ATP8B4: variants seen among roughly 807,000 people sequenced by gnomAD.
ATP8B4 encodes ATPase phospholipid transporting 8B4 (putative), also known as probable phospholipid-transporting ATPase IM.
Under a neutral mutation model 145.6 loss-of-function variants are expected in ATP8B4, and 133 were observed. That is an observed-to-expected ratio of 0.91 (90% CI 0.79 to 1.05). The LOEUF (loss-of-function observed/expected upper bound fraction) is 1.05. Ranked by LOEUF, ATP8B4 falls within the 50% of genes least tolerant of loss-of-function variation. ATP8B4 has a pLI of 0.00. For missense variants in ATP8B4, 1,458 were observed against 1,425.2 expected, an observed-to-expected ratio of 1.02 and a Z score of -0.37; for synonymous variants, 507 against 492.9, an observed-to-expected ratio of 1.03 and a Z score of -0.38.
chr15:49,943,415 C>A (rs1346129332), intron 14 of ATP8B4, among the ~76,000 whole-genome samples: 7 of 151,132 alleles, frequency 4.6e-5, no homozygotes, highest in South Asian at 4.2e-4. Flanking sequence ...AAAAAAAAAA[C>A]CACACTAAAA....
chr15:49,923,327 A>G (rs987868832), intron 17 of ATP8B4, 52 bp downstream of exon 17: 2 of 1,282,482 alleles, frequency 1.6e-6, no homozygotes, highest in African/African-American at 3.0e-5. Flanking sequence ...AGACCTAACC[A>G]TAGGAGATGG....
At chr15:50,010,165 A>G (rs2048620853) in intron 7 of ATP8B4, among the ~76,000 whole-genome samples, 2 of 152,154 alleles carry the variant, frequency 1.3e-5, no homozygotes, top group Admixed American at 1.3e-4. Context: ...TTTGACAGAA[A>G]CAATACAATA....
chr15:49,858,748 T>TATC lies in ATP8B4; in HGVS notation c.*1443_*1445dup, dbSNP rs1278179268. 15 of 152,256 alleles carry TATC rather than the reference T, an allele frequency of 9.9e-5. No individual in the cohort carries two copies. The highest frequency in any genetic ancestry group is 1.5e-4 in the Non-Finnish European group (10 of 68,038). The allele number at this position is 152,256 out of a possible 1,614,324, so 9.4% of individuals were successfully genotyped here. On this transcript the variant is annotated 3_prime_UTR_variant, in exon 28 of 28. Coordinates refer to ENST00000284509, the MANE Select transcript of ATP8B4 (RefSeq NM_024837.4). ...CCCTGTAGGACCCTAACCAGTTTTA[T>TATC]ATCTTTCTGGCAATTTCATTTTATC...
rs184135567 is a variant in ATP8B4 at position 49,894,724 on chromosome 15, C to T, written c.2697+2568G>A. 7.2e-5 allele frequency among the ~76,000 whole-genome samples: 11 copies of T among 152,270 alleles called. No individual in the cohort carries two copies. The East Asian group carries it at 2.1e-3, about 29-fold the overall frequency. On this transcript the variant is annotated intron_variant, in intron 23 of 27. Transcript: ENST00000284509. Reference sequence around the variant, plus strand: ...TCAGGCTGCACACGTTTAAACAGACCAGATCCAGAGCCTGCAGGGATGGCC... The same window carrying T: ...TCAGGCTGCACACGTTTAAACAGACTAGATCCAGAGCCTGCAGGGATGGCC...
At chr15:50,036,018 T>C (rs910882838) in intron 6 of ATP8B4, among the ~76,000 whole-genome samples, 2 of 152,212 alleles carry the variant, frequency 1.3e-5, no homozygotes, top group Non-Finnish European at 1.5e-5. Context: ...TATTCCTGAA[T>C]TGTGGCCCAC....
chr15:50,097,106 A>G (rs2056040085), intron 2 of ATP8B4, among the ~76,000 whole-genome samples: 1 of 152,362 alleles, frequency 6.6e-6, no homozygotes, highest in Admixed American at 6.5e-5. Flanking sequence ...TCAACTGAAA[A>G]TCTACTTGAG....
intron 1 of ATP8B4, among the ~76,000 whole-genome samples, chr15:50,144,751 G>GTT (rs11385259): frequency 1.4e-3 from 211 of 148,178 alleles, no homozygotes; most frequent in Middle Eastern, 0.014. Context: ...AATTACCCTT[G>GTT]TTTTTTTTTT....
At chr15:50,162,360 AT>A (rs2044533061) in intron 1 of ATP8B4, among the ~76,000 whole-genome samples, 1 of 151,328 alleles carries the variant, frequency 6.6e-6, no homozygotes, top group Non-Finnish European at 1.5e-5. Flanking sequence ...TTATTAATAT[AT>A]TTCCCCAAAT....
At chr15:49,941,701 A>G (rs2042172878) in intron 14 of ATP8B4, among the ~76,000 whole-genome samples, 1 of 152,184 alleles carries the variant, frequency 6.6e-6, no homozygotes, top group African/African-American at 2.4e-5. Flanking sequence ...TATCTACCCA[A>G]AGGAAAATAA....
chr15:49,861,428 GTCTGTC>G (rs764912976), intron 27 of ATP8B4, among the ~76,000 whole-genome samples: 2,095 of 143,524 alleles, frequency 0.015, 18 homozygotes, highest in Non-Finnish European at 0.023. Flanking sequence ...GTGTGTGTCT[GTCTGTC>G]TGTCTGTCTG....
chr15:50,164,009 G>T (rs887557921), intron 1 of ATP8B4, among the ~76,000 whole-genome samples: 8 of 152,130 alleles, frequency 5.3e-5, no homozygotes, highest in African/African-American at 1.7e-4. Flanking sequence ...TGCCAGGCCT[G>T]AGTCTCTCTT....
chr15:49,999,376 G>T (rs1444151481), intron 8 of ATP8B4, among the ~76,000 whole-genome samples: 2 of 127,570 alleles, frequency 1.6e-5, no homozygotes, highest in Non-Finnish European at 3.2e-5. Flanking sequence ...ACACTCTGGG[G>T]ACTGTTGTGG....
chr15:49,872,229 T>G (rs1406197376), intron 25 of ATP8B4, among the ~76,000 whole-genome samples: 17 of 152,224 alleles, frequency 1.1e-4, no homozygotes, highest in Non-Finnish European at 1.5e-5. Flanking sequence ...TGGATCTTAG[T>G]GCTAAACCTG....
At chr15:50,056,908 T>C (rs1043535621) in intron 3 of ATP8B4, among the ~76,000 whole-genome samples, 7 of 152,264 alleles carry the variant, frequency 4.6e-5, no homozygotes, top group Admixed American at 2.0e-4. Flanking sequence ...TTATTTTTTA[T>C]TGAGACAGAG....
In ATP8B4 at chr15:49,934,141, A is replaced by G. The variant is rs779993850; in HGVS notation, c.1329T>C (p.Asp443=). The stretch of plus-strand genomic sequence containing the variant: ...GGTGGTCAAAGAACTGAAATTCTCT[A>G]TCCGCTTGAGATTTGACTGAGAAAT... ...PVDFSVKSQA[D]REFQFFDHHL... The change falls in exon 15 of 28, where the codon GAT becomes GAC. Residue 443 remains aspartate, a synonymous_variant. Coordinates refer to ENST00000284509, the MANE Select transcript of ATP8B4 (RefSeq NM_024837.4). 3.7e-6 allele frequency: 6 copies of G among 1,612,364 alleles called. No individual in the cohort carries two copies. Among genetic ancestry groups the G allele is most frequent in the South Asian group, 1.1e-5 (1 of 90,912 alleles).
intron 2 of ATP8B4, among the ~76,000 whole-genome samples, chr15:50,080,444 G>A (rs910569476): frequency 5.3e-5 from 8 of 152,114 alleles, no homozygotes; most frequent in South Asian, 4.1e-4. Context: ...TGTTAAAGTC[G>A]CTCCTGGTTT....
chr15:49,996,562 G>A (rs1257760618), intron 9 of ATP8B4, 115 bp downstream of exon 9: 1 of 835,136 alleles, frequency 1.2e-6, no homozygotes, highest in African/African-American at 1.7e-5. Flanking sequence ...GATGCCTGGA[G>A]AATTTGATGT....
chr15:49,894,856 C>T (rs1465639522), intron 23 of ATP8B4: 2 of 152,198 alleles, frequency 1.3e-5, no homozygotes, highest in African/African-American at 2.4e-5. Context: ...TATAGAAACA[C>T]CCACCAACAT....
chr15:50,119,395 T>C (rs2057238367), upstream of ATP8B4: 1 of 152,234 alleles, frequency 6.6e-6, no homozygotes, highest in African/African-American at 2.4e-5. Flanking sequence ...AGGAAGACCT[T>C]ACAAGAAAGC....
Sources: allele counts gnomAD v4.1 joint callset (sites outside exome capture counted in the v4.1 genomes callset), GRCh38; gene constraint gnomAD v4.1.1; transcripts MANE v1.5; gene names NCBI Gene and HGNC (gene_info 2026-07-23, HGNC 2026-07-21).